SMCO2: variants seen among roughly 807,000 people sequenced by gnomAD.
SMCO2 encodes single-pass membrane and coiled-coil domain-containing protein 2.
Under a neutral mutation model 29.5 loss-of-function variants are expected in SMCO2, and 25 were observed. That is an observed-to-expected ratio of 0.85 (90% CI 0.62 to 1.18). The LOEUF is 1.18. Ranked by LOEUF, SMCO2 falls within the 50% of genes most tolerant of loss-of-function variation. The pLI, the probability that SMCO2 is intolerant of heterozygous loss-of-function variation, is 0.00. For synonymous variants in SMCO2, 117 were observed against 123.3 expected (o/e 0.95, Z 0.34); for missense variants, 348 against 344.5 (o/e 1.01, Z -0.08).
At chr12:27,435,956 A>G in the SMCO2 span, among the ~76,000 whole-genome samples, 1 of 152,338 alleles carries the variant, frequency 6.6e-6, no homozygotes, top group East Asian at 1.9e-4. Context: ...AACAACAAAC[A>G]TTTATTTCAC....
chr12:27,477,415 G>A (rs11049027), intron 4 of SMCO2, among the ~76,000 whole-genome samples: 1 of 151,746 alleles, frequency 6.6e-6, no homozygotes, highest in African/African-American at 2.4e-5. Flanking sequence ...GAGCCTTGGA[G>A]AAGACTTTTT....
the SMCO2 span, chr12:27,423,647 A>T: frequency 6.6e-6 from 1 of 151,810 alleles, no homozygotes; most frequent in Non-Finnish European, 1.5e-5. Flanking sequence ...ACTTTTTTTA[A>T]CCCTAAGAAT....
the SMCO2 span, among the ~76,000 whole-genome samples, chr12:27,433,944 C>T: frequency 6.6e-6 from 1 of 152,220 alleles, no homozygotes. Flanking sequence ...CTGGCTCTGT[C>T]ACCCAGGCTG....
the SMCO2 span, among the ~76,000 whole-genome samples, chr12:27,425,481 C>T: frequency 9.9e-5 from 15 of 152,246 alleles, no homozygotes; most frequent in Non-Finnish European, 2.1e-4. Context: ...CTTGTGCTCA[C>T]GTCAGACTCC....
the SMCO2 span, among the ~76,000 whole-genome samples, chr12:27,428,518 G>A: frequency 2.6e-5 from 4 of 151,374 alleles, no homozygotes; most frequent in African/African-American, 7.3e-5. Flanking sequence ...GCAAGGCAGA[G>A]AAAGCTGTGT....
intron 6 of SMCO2, among the ~76,000 whole-genome samples, chr12:27,494,865 C>G (rs1396703421): frequency 1.2e-4 from 18 of 152,014 alleles, no homozygotes; most frequent in Admixed American, 1.2e-3. Flanking sequence ...ATTCACAATT[C>G]CAGTGTACTC....
chr12:27,489,413 A>T (rs1949717129), intron 5 of SMCO2, among the ~76,000 whole-genome samples: 1 of 152,188 alleles, frequency 6.6e-6, no homozygotes, highest in African/African-American at 2.4e-5. Context: ...AACTTGTGAC[A>T]CAAGTTAGAT....
At position 27,472,962 on chromosome 12, in the gene SMCO2, T is replaced by C. The variant is rs1319726190; in HGVS notation, c.234+87T>C. 8 of 938,792 alleles carry C rather than the reference T, an allele frequency of 8.5e-6. No individual in the cohort carries two copies. In the East Asian group the frequency reaches 2.1e-4, roughly 25 times the overall value. 58.2% of individuals were successfully genotyped at this position (938,792 alleles called of 1,614,324 possible). On this transcript the variant is annotated intron_variant, in intron 3 of 7. Coordinates refer to ENST00000298876, the Ensembl canonical transcript of SMCO2. ...CTTCACGCCGCATATCTTAAAGTGG[T>C]AAGAAAATATCTGAGGGTTTTCTTC...
At chr12:27,433,162 G>T in the SMCO2 span, among the ~76,000 whole-genome samples, 1 of 152,056 alleles carries the variant, frequency 6.6e-6, no homozygotes, top group Non-Finnish European at 1.5e-5. Flanking sequence ...AAACATACAC[G>T]TACACACATA....
chr12:27,426,512 C>G, the SMCO2 span, among the ~76,000 whole-genome samples: 1 of 152,168 alleles, frequency 6.6e-6, no homozygotes, highest in African/African-American at 2.4e-5. Flanking sequence ...TTTGTAAATA[C>G]CCTTGCAGAG....
At chr12:27,480,843 A>G (rs1949636455) in intron 4 of SMCO2, among the ~76,000 whole-genome samples, 1 of 152,124 alleles carries the variant, frequency 6.6e-6, no homozygotes, top group Non-Finnish European at 1.5e-5. Context: ...AGCTTACAGA[A>G]CCATAGGCCA....
chr12:27,463,817 G>A (rs1865308887), upstream of SMCO2, among the ~76,000 whole-genome samples: 2 of 152,216 alleles, frequency 1.3e-5, no homozygotes, highest in Non-Finnish European at 2.9e-5. Flanking sequence ...AATGTGTCGT[G>A]AGAAATCCTG....
At chr12:27,491,261 G>T (rs439002) in intron 5 of SMCO2, among the ~76,000 whole-genome samples, 18,677 of 152,154 alleles carry the variant, frequency 0.12, 2,216 homozygotes, top group African/African-American at 0.29. Flanking sequence ...ACGAAAGTAT[G>T]TGAAAGAACT....
the SMCO2 span, among the ~76,000 whole-genome samples, chr12:27,441,674 A>AG: frequency 8.1e-3 from 1 of 124 alleles, no homozygotes; most frequent in Non-Finnish European, 0.019. Flanking sequence ...TCATCCAGAC[A>AG]GAAAATCAAC....
At chr12:27,427,696 A>G in the SMCO2 span, among the ~76,000 whole-genome samples, 1 of 152,276 alleles carries the variant, frequency 6.6e-6, no homozygotes, top group South Asian at 2.1e-4. Context: ...ACCTCTTGTA[A>G]TTCATGATGG....
At chr12:27,490,575 A>G (rs1425220553) in intron 5 of SMCO2, among the ~76,000 whole-genome samples, 1 of 152,212 alleles carries the variant, frequency 6.6e-6, no homozygotes, top group East Asian at 1.9e-4. Flanking sequence ...AGAAGCCTAC[A>G]GTCTGATAGA....
chr12:27,495,955 G>A, intron 7 of SMCO2, 100 bp downstream of exon 8: 1 of 1,186,620 alleles, frequency 8.4e-7, no homozygotes, highest in South Asian at 3.2e-5. Flanking sequence ...AAAATGTTTT[G>A]TTTTATTTTC....
upstream of SMCO2, chr12:27,466,743 TGA>T (rs1471066653): frequency 1.3e-5 from 2 of 152,420 alleles, no homozygotes; most frequent in East Asian, 3.9e-4. Context: ...TAGAATCTTG[TGA>T]GAGGGGGTTA....
upstream of SMCO2, among the ~76,000 whole-genome samples, chr12:27,465,214 CA>C (rs1200181576): frequency 1.3e-5 from 2 of 152,034 alleles, no homozygotes; most frequent in African/African-American, 4.8e-5. Context: ...CCTTCCTTTT[CA>C]AAAGGTGGTA....
Sources: allele counts gnomAD v4.1 joint callset (sites outside exome capture counted in the v4.1 genomes callset), GRCh38; gene constraint gnomAD v4.1.1; transcripts MANE v1.5; gene names NCBI Gene and HGNC (gene_info 2026-07-23, HGNC 2026-07-21).